The following CPAMD8 variants were observed in gnomAD, a reference collection of about 807,000 sequenced individuals.
The protein encoded by CPAMD8 is C3 and PZP like alpha-2-macroglobulin domain containing 8.
A neutral mutation model predicts 224.7 loss-of-function variants in CPAMD8; 146 were observed. That is an observed-to-expected ratio of 0.65 (90% CI 0.57 to 0.75). The LOEUF is 0.75. CPAMD8 is among the 30% of genes least tolerant of loss of function. The probability of loss-of-function intolerance (pLI) is 0.00; values close to 1 mark genes in which losing one functional copy is unlikely to be tolerated. For synonymous variants in CPAMD8, 966 were observed against 1,044.6 expected (o/e 0.92, Z 1.45); for missense variants, 2,301 against 2,537.5 (o/e 0.91, Z 2.00).
intron 13 of CPAMD8, among the ~76,000 whole-genome samples, chr19:16,987,179 AATATATAT>A (rs775029154): frequency 0.026 from 1,410 of 53,824 alleles, 56 homozygotes; most frequent in African/African-American, 0.034. Flanking sequence ...AAAAAAAAAA[AATATATAT>A]ATATATATAT....
At chr19:16,916,947 G>C (rs1384263615) in intron 27 of CPAMD8, among the ~76,000 whole-genome samples, 1 of 152,056 alleles carries the variant, frequency 6.6e-6, no homozygotes, top group Non-Finnish European at 1.5e-5. Flanking sequence ...GAAACTCCAT[G>C]CATTTTGGGC....
chr19:16,913,676 C>G (rs1244647077), intron 29 of CPAMD8, among the ~76,000 whole-genome samples: 2 of 152,136 alleles, frequency 1.3e-5, no homozygotes, highest in East Asian at 1.9e-4. Flanking sequence ...AGGGGAGAAC[C>G]AATTCAGCCC....
chr19:16,903,939 C>G, intron 32 of CPAMD8, 82 bp from the exon 33 acceptor site: 2 of 1,398,846 alleles, frequency 1.4e-6, no homozygotes, highest in South Asian at 2.5e-5. Flanking sequence ...GGAAGCCTAG[C>G]CTAAAACAGG....
rs1190081537 is a variant in CPAMD8, at chr19:16,906,996, G to T, written c.3983C>A (p.Ala1328Asp). The T allele has an allele frequency of 6.2e-7, 1 of 1,600,198 alleles. No homozygotes were observed. Residue 1328 changes from alanine to aspartate, a missense_variant, in exon 30 of 42, where the codon GCC becomes GAC. Coordinates refer to ENST00000443236, the MANE Select transcript of CPAMD8 (RefSeq NM_015692.5). ...YALTLLRSPA[A>D]PEALRKLRSL... is the part of the protein sequence containing the mutation. ...ACGGAGCTTGCGCAGTGCCTCAGGGGCTGCCGGGCTGCGGAGCAGGGTCAG... is the reference window on the plus strand; with the variant it reads ...ACGGAGCTTGCGCAGTGCCTCAGGGTCTGCCGGGCTGCGGAGCAGGGTCAG...
intron 29 of CPAMD8, 109 bp downstream of exon 29, chr19:16,914,315 C>T (rs1269276425): frequency 1.3e-5 from 11 of 823,438 alleles, no homozygotes; most frequent in South Asian, 1.1e-4. Context: ...CGATAATGAG[C>T]AGAAGGAGGG....
chr19:16,977,560 A>C lies in CPAMD8; in HGVS notation c.1586-20T>G. On this transcript the variant is annotated intron_variant, in intron 14 of 41. Coordinates refer to ENST00000443236, the MANE Select transcript of CPAMD8 (RefSeq NM_015692.5). Reference sequence around the variant, plus strand: ...GGGGCTCTGAGGTGAGCAAAAGTAGAGAGAGGTGGTGAATTCTCCGCATCC... The same window carrying C: ...GGGGCTCTGAGGTGAGCAAAAGTAGCGAGAGGTGGTGAATTCTCCGCATCC... The C allele has an allele frequency of 6.4e-7, 1 of 1,559,166 alleles. No individual in the cohort carries two copies. The highest frequency in any genetic ancestry group is 8.6e-7 in the Non-Finnish European group (1 of 1,160,016).
At chr19:16,979,803 G>A (rs148280535) in intron 14 of CPAMD8, among the ~76,000 whole-genome samples, 2 of 145,476 alleles carry the variant, frequency 1.4e-5, no homozygotes, top group African/African-American at 5.4e-5. Flanking sequence ...CCTTGCCTTC[G>A]CCTGAGAGAT....
intron 22 of CPAMD8, among the ~76,000 whole-genome samples, chr19:16,942,788 C>A (rs1053530752): frequency 1.3e-5 from 2 of 152,192 alleles, no homozygotes; most frequent in Non-Finnish European, 2.9e-5. Context: ...TTCCAACCTC[C>A]TTTGTCTCTG....
At chr19:16,960,694 G>T (rs1199359671) in intron 18 of CPAMD8, among the ~76,000 whole-genome samples, 1 of 151,906 alleles carries the variant, frequency 6.6e-6, no homozygotes, top group Admixed American at 6.6e-5. Flanking sequence ...TGGAGGTCAG[G>T]AGTTCAAGAC....
chr19:16,928,921 C>T (rs1450370460), intron 24 of CPAMD8, 21 bp downstream of exon 24: 2 of 1,566,432 alleles, frequency 1.3e-6, no homozygotes, highest in Non-Finnish European at 1.7e-6. Context: ...TGCACAAGCC[C>T]CAGGCAGTTC....
Position 17,026,537 on chromosome 19 carries a change from C to T in CPAMD8, c.92+14G>A, listed in dbSNP as rs2057086010. On this transcript the variant is annotated intron_variant, in intron 1 of 41. Coordinates refer to ENST00000443236, the MANE Select transcript of CPAMD8 (RefSeq NM_015692.5). ...GAAGGCGACCGACCTCCTCTGTCGCCGGAGGATACTCACGGGGCCTGAGGC... is the reference window on the plus strand; with the variant it reads ...GAAGGCGACCGACCTCCTCTGTCGCTGGAGGATACTCACGGGGCCTGAGGC... The T allele has an allele frequency of 1.3e-6, 2 of 1,493,804 alleles. No homozygotes were observed. Among genetic ancestry groups the T allele is most frequent in the Non-Finnish European group, 1.8e-6 (2 of 1,130,950 alleles). The allele number at this position is 1,493,804 out of a possible 1,614,324, so 92.5% of individuals were successfully genotyped here.
chr19:17,007,631 C>A (rs2056529710), intron 7 of CPAMD8, among the ~76,000 whole-genome samples: 1 of 152,104 alleles, frequency 6.6e-6, no homozygotes, highest in African/African-American at 2.4e-5. Flanking sequence ...TACTGTTACC[C>A]CATTTCTGGA....
At chr19:17,023,627 G>A (rs1454272712) in intron 1 of CPAMD8, among the ~76,000 whole-genome samples, 1 of 151,880 alleles carries the variant, frequency 6.6e-6, no homozygotes, top group East Asian at 1.9e-4. Context: ...TGTTGCCCAG[G>A]CTGGAGTGCA....
intron 20 of CPAMD8, among the ~76,000 whole-genome samples, chr19:16,949,488 G>C (rs1056181722): frequency 6.6e-6 from 1 of 152,152 alleles, no homozygotes; most frequent in African/African-American, 2.4e-5. Context: ...CTGAAGCTAG[G>C]ATTCTGGGCA....
chr19:17,007,688 C>A (rs1326436178), intron 7 of CPAMD8, among the ~76,000 whole-genome samples: 1 of 152,166 alleles, frequency 6.6e-6, no homozygotes, highest in African/African-American at 2.4e-5. Flanking sequence ...CACACCCTAC[C>A]TATCCCCTGC....
chr19:17,005,630 C>T (rs1030622722), intron 7 of CPAMD8, among the ~76,000 whole-genome samples: 21 of 152,242 alleles, frequency 1.4e-4, no homozygotes, highest in African/African-American at 4.1e-4. Flanking sequence ...GAGTGTGACA[C>T]GCTCCACTCG....
intron 18 of CPAMD8, among the ~76,000 whole-genome samples, 169 bp from the exon 19 acceptor site, chr19:16,958,084 G>T (rs2054531460): frequency 6.6e-6 from 1 of 151,806 alleles, no homozygotes; most frequent in Non-Finnish European, 1.5e-5. Flanking sequence ...CTCTTACCTG[G>T]CAGGGTTAAC....
intron 19 of CPAMD8, among the ~76,000 whole-genome samples, chr19:16,957,108 G>T (rs1256122889): frequency 3.3e-5 from 5 of 152,216 alleles, no homozygotes; most frequent in Non-Finnish European, 7.3e-5. Flanking sequence ...AACTGGATGT[G>T]TTCTGATCAG....
intron 21 of CPAMD8, among the ~76,000 whole-genome samples, chr19:16,946,787 G>C (rs1277764541): frequency 6.6e-6 from 1 of 151,970 alleles, no homozygotes; most frequent in African/African-American, 2.4e-5. Context: ...ATGTGGGCGT[G>C]TGTGTGGATT....
Sources: allele counts gnomAD v4.1 joint callset (sites outside exome capture counted in the v4.1 genomes callset), GRCh38; gene constraint gnomAD v4.1.1; transcripts MANE v1.5; gene names NCBI Gene and HGNC (gene_info 2026-07-23, HGNC 2026-07-21).